Variants in CLEC2D observed in about 807,000 individuals in gnomAD.
CLEC2D encodes C-type lectin domain family 2 member D, also known as C-type lectin related f.
A neutral mutation model predicts 20.0 loss-of-function variants in CLEC2D; 16 were observed. That is an observed-to-expected ratio of 0.80 (90% CI 0.54 to 1.22). CLEC2D has a LOEUF of 1.22. CLEC2D is among the 50% of genes most tolerant of loss of function. The probability of loss-of-function intolerance (pLI) is 0.00; values close to 1 mark genes in which losing one functional copy is unlikely to be tolerated. For missense variants in CLEC2D, 207 were observed against 221.5 expected (o/e 0.93, Z 0.42); for synonymous variants, 77 against 71.1 (o/e 1.08, Z -0.42).
chr12:9,677,386 T>G (rs1865540497), intron 1 of CLEC2D, among the ~76,000 whole-genome samples: 1 of 152,232 alleles, frequency 6.6e-6, no homozygotes, highest in African/African-American at 2.4e-5. Context: ...TTTAGAAACG[T>G]ATTGTTTAAT....
rs1416230723 is a variant in CLEC2D at position 9,697,380 on chromosome 12, C to T, written c.*2506C>T. 4 of 152,188 alleles carry T rather than the reference C, an allele frequency of 2.6e-5. No individual in the cohort carries two copies. The highest frequency in any genetic ancestry group is 9.7e-5 in the African/African-American group (4 of 41,440). 9.4% of individuals were successfully genotyped at this position (152,188 alleles called of 1,614,324 possible). A position where few individuals can be genotyped will look rare whatever the true frequency, so the allele number is the denominator to read the frequency against. On this transcript the variant is annotated 3_prime_UTR_variant, in exon 5 of 5. Transcript: ENST00000290855. ...TCTATTCCTTTAATTCGGCCCATCC[C>T]TTCATTTCCCATAAGGGATACTTTT...
intron 4 of CLEC2D, chr12:9,693,725 T>C (rs1289598165): frequency 5.1e-6 from 2 of 394,910 alleles, no homozygotes; most frequent in Non-Finnish European, 9.9e-6. Flanking sequence ...GCTTCATAAA[T>C]ATCTAGAATT....
At chr12:9,670,619 T>C (rs1565462364) in intron 1 of CLEC2D, among the ~76,000 whole-genome samples, 1 of 152,366 alleles carries the variant, frequency 6.6e-6, no homozygotes, top group East Asian at 1.9e-4. Context: ...ATTTTCGTGG[T>C]TCTTCATATA....
chr12:9,698,576 G>A lies in CLEC2D; in HGVS notation c.*3702G>A, dbSNP rs1866055656. ...TACTAAAAGAAAATATAGGGAGAAA[G>A]CTTCACAACGTTGGTCTGGGCAATA... On this transcript the variant is annotated 3_prime_UTR_variant, in exon 5 of 5. Coordinates refer to ENST00000290855, the MANE Select transcript of CLEC2D (RefSeq NM_013269.6). 1 of 152,110 alleles carries A rather than the reference G, an allele frequency of 6.6e-6. No homozygotes were observed. Among genetic ancestry groups the A allele is most frequent in the South Asian group, 2.1e-4 (1 of 4,828 alleles). 9.4% of individuals were successfully genotyped at this position (152,110 alleles called of 1,614,324 possible). A position where few individuals can be genotyped will look rare whatever the true frequency, so the allele number is the denominator to read the frequency against.
chr12:9,698,993 G>GA lies in CLEC2D; in HGVS notation c.*4124dup, dbSNP rs917254026. ...TTCATTAACTGAAGTCATATTGTAG[G>GA]AAAAAGAATGAAGTCTCTTAACCCA... On this transcript the variant is annotated 3_prime_UTR_variant, in exon 5 of 5. Transcript: ENST00000290855. The GA allele has an allele frequency of 6.6e-6, 1 of 152,114 alleles. No homozygotes were observed. Among genetic ancestry groups the GA allele is most frequent in the Admixed American group, 6.5e-5 (1 of 15,270 alleles). The allele number at this position is 152,114 out of a possible 1,614,324, so 9.4% of individuals were successfully genotyped here. A position where few individuals can be genotyped will look rare whatever the true frequency, so the allele number is the denominator to read the frequency against.
chr12:9,692,114 TTTCTCTTTCTTTCG>T (rs1865878601), intron 3 of CLEC2D, among the ~76,000 whole-genome samples: 1 of 151,982 alleles, frequency 6.6e-6, no homozygotes, highest in South Asian at 2.1e-4. Flanking sequence ...TCTTTCTTTC[TTTCTCTTTCTTTCG>T]TTCGTTCGTT....
Position 9,682,290 on chromosome 12 carries a change from C to A in CLEC2D, c.172+1257C>A, listed in dbSNP as rs779938732. The stretch of plus-strand genomic sequence containing the variant: ...TAACTATTCAAGTGTGGTATTTCCC[C>A]ATTTAAATCGAGTTATTTAGATTGG... On this transcript the variant is annotated intron_variant, in intron 2 of 4. Coordinates refer to ENST00000290855, the MANE Select transcript of CLEC2D (RefSeq NM_013269.6). Among the ~76,000 whole-genome samples the A allele has an allele frequency of 2.0e-5, 3 of 152,170 alleles. No homozygotes were observed. In the South Asian group the frequency reaches 6.2e-4, roughly 32 times the overall value.
At position 9,669,812 on chromosome 12, in the gene CLEC2D, T is replaced by C. The variant is rs1865370849; in HGVS notation, c.61+17T>C. On this transcript the variant is annotated intron_variant, in intron 1 of 4. Transcript: ENST00000290855. ...CAAACCCAGGTAAGAAGCTGGGCTC[T>C]ACAGAGTAAGTGTGAGGACTGGAAT... is the stretch of plus-strand genomic sequence containing the variant. 2 of 1,594,560 alleles carry C rather than the reference T, an allele frequency of 1.3e-6. No individual in the cohort carries two copies. Among genetic ancestry groups the C allele is most frequent in the African/African-American group, 2.7e-5 (2 of 74,258 alleles).
At chr12:9,693,363 A>T (rs1024156491) in intron 4 of CLEC2D, 3 of 332,638 alleles carry the variant, frequency 9.0e-6, no homozygotes, top group Admixed American at 8.7e-5. Context: ...TTAAAATTTT[A>T]AAATGGGTAA....
intron 2 of CLEC2D, among the ~76,000 whole-genome samples, chr12:9,681,798 A>G (rs10844427): frequency 0.28 from 42,866 of 152,126 alleles, 6,660 homozygotes; most frequent in South Asian, 0.44. Context: ...AACACTCTAA[A>G]TAATTTCTAT....
Position 9,695,863 on chromosome 12 carries a change from GAT to G in CLEC2D, c.*990_*991del. 1 of 1,062,738 alleles carries G rather than the reference GAT, an allele frequency of 9.4e-7. No individual in the cohort carries two copies. Among genetic ancestry groups the G allele is most frequent in the Non-Finnish European group, 1.4e-6 (1 of 692,934 alleles). The allele number at this position is 1,062,738 out of a possible 1,614,324, so 65.8% of individuals were successfully genotyped here. ...AAAACTTGCTGCTGCTGCTGATGATGATGATGATGAAGATGATGATGATGATG... is the reference window on the plus strand; with the variant it reads ...AAAACTTGCTGCTGCTGCTGATGATGGATGATGAAGATGATGATGATGATG... On this transcript the variant is annotated 3_prime_UTR_variant, in exon 5 of 5. Coordinates refer to ENST00000290855, the MANE Select transcript of CLEC2D (RefSeq NM_013269.6).
intron 2 of CLEC2D, among the ~76,000 whole-genome samples, chr12:9,686,139 C>T (rs925912829): frequency 2.6e-5 from 4 of 151,624 alleles, no homozygotes; most frequent in African/African-American, 4.9e-5. Flanking sequence ...GGTGAAGCAG[C>T]GCCCCACCCT....
At position 9,694,841 on chromosome 12, in the gene CLEC2D, G is replaced by A; in HGVS notation, c.543G>A (p.Lys181=). 1.2e-6 allele frequency: 2 copies of A among 1,610,376 alleles called. No individual in the cohort carries two copies. The highest frequency in any genetic ancestry group is 2.2e-5 in the South Asian group (2 of 91,002). The stretch of plus-strand genomic sequence containing the variant: ...GTGCCAGGCACTACACAGAGAGGAA[G>A]TGGATTTGTTCCAAATCAGATATAC... ...ASSARHYTER[K]WICSKSDIHV Residue 181 remains lysine, a synonymous_variant, in exon 5 of 5, where the codon AAG becomes AAA. Coordinates refer to ENST00000290855, the MANE Select transcript of CLEC2D (RefSeq NM_013269.6).
chr12:9,696,565 G>T lies in CLEC2D; in HGVS notation c.*1691G>T, dbSNP rs1194391964. 1 of 200,236 alleles carries T rather than the reference G, an allele frequency of 5.0e-6. No individual in the cohort carries two copies. The highest frequency in any genetic ancestry group is 1.0e-5 in the Non-Finnish European group (1 of 98,576). The allele number at this position is 200,236 out of a possible 1,614,324, so 12.4% of individuals were successfully genotyped here. The stretch of plus-strand genomic sequence containing the variant: ...TAATAAAGTAAAAAAAAAAAAAAAG[G>T]TATGGGGAAAACTGCCCCCATAAAG... On this transcript the variant is annotated 3_prime_UTR_variant, in exon 5 of 5. Coordinates refer to ENST00000290855, the MANE Select transcript of CLEC2D (RefSeq NM_013269.6).
chr12:9,696,437 T>G lies in CLEC2D; in HGVS notation c.*1563T>G, dbSNP rs1865995723. On this transcript the variant is annotated 3_prime_UTR_variant, in exon 5 of 5. Transcript: ENST00000290855. ...TGGAACTCCACCCTTTGCTTGGTTTTAAGTATGTATGGGATGCTATGATAG... is the reference window on the plus strand; with the variant it reads ...TGGAACTCCACCCTTTGCTTGGTTTGAAGTATGTATGGGATGCTATGATAG... 1 of 452,772 alleles carries G rather than the reference T, an allele frequency of 2.2e-6. No homozygotes were observed. The highest frequency in any genetic ancestry group is 3.5e-5 in the Admixed American group (1 of 28,468). The allele number at this position is 452,772 out of a possible 1,614,324, so 28.0% of individuals were successfully genotyped here.
chr12:9,687,720 T>A (rs1476219043), intron 2 of CLEC2D, among the ~76,000 whole-genome samples, 182 bp from the exon 3 acceptor site: 1 of 152,226 alleles, frequency 6.6e-6, no homozygotes, highest in Non-Finnish European at 1.5e-5. Flanking sequence ...GAATCTCAGT[T>A]TTGCCATTTG....
At chr12:9,676,664 A>G (rs916556050) in intron 1 of CLEC2D, among the ~76,000 whole-genome samples, 2 of 152,094 alleles carry the variant, frequency 1.3e-5, no homozygotes, top group South Asian at 4.1e-4. Context: ...TGATTTTCCT[A>G]TTAGGATAAA....
chr12:9,680,981 C>T lies in CLEC2D; in HGVS notation c.120C>T (p.Phe40=), dbSNP rs759258278. ...CTACCTTAATTTGGCGCTTATTTTT[C>T]TTAATCATGTTTCTGACAATCATAG... ...IKATLIWRLF[F]LIMFLTIIVC... The change falls in exon 2 of 5, where the codon TTC becomes TTT. Residue 40 remains phenylalanine, a synonymous_variant. Coordinates refer to ENST00000290855, the MANE Select transcript of CLEC2D (RefSeq NM_013269.6). The T allele has an allele frequency of 6.2e-7, 1 of 1,606,626 alleles. No individual in the cohort carries two copies. Among genetic ancestry groups the T allele is most frequent in the South Asian group, 1.1e-5 (1 of 90,646 alleles).
At chr12:9,694,653 A>G (rs1865937977) in intron 4 of CLEC2D, 107 bp from the exon 5 acceptor site, 4 of 692,832 alleles carry the variant, frequency 5.8e-6, no homozygotes, top group Non-Finnish European at 1.0e-5. Flanking sequence ...AAACAGCATT[A>G]TTTTTAGAGG....
Sources: allele counts gnomAD v4.1 joint callset (sites outside exome capture counted in the v4.1 genomes callset), GRCh38; gene constraint gnomAD v4.1.1; transcripts MANE v1.5; gene names NCBI Gene and HGNC (gene_info 2026-07-23, HGNC 2026-07-21).